The following PRH1 variants were observed in gnomAD, a reference collection of about 807,000 sequenced individuals.
PRH1 encodes proline rich protein HaeIII subfamily 1, also known as salivary acidic proline-rich phosphoprotein 1/2.
Under a neutral mutation model 7.9 loss-of-function variants are expected in PRH1, and 7 were observed. The observed-to-expected ratio is 0.89, with a 90% CI of 0.50 to 1.67. The LOEUF (loss-of-function observed/expected upper bound fraction) is 1.67. Ranked by LOEUF, PRH1 falls within the 40% of genes most tolerant of loss-of-function variation. PRH1 has a pLI of 0.00. For synonymous variants in PRH1, 45 were observed against 80.8 expected (o/e 0.56, Z 2.38); for missense variants, 109 against 223.6 (o/e 0.49, Z 3.27).
chr12:11,091,115 C>CACACATAT (rs751016037), intron 1 of PRH1, among the ~76,000 whole-genome samples: 311 of 25,122 alleles, frequency 0.012, 54 homozygotes, highest in Middle Eastern at 0.088. Flanking sequence ...CACACACACA[C>CACACATAT]ATATATATAT....
intron 1 of PRH1, among the ~76,000 whole-genome samples, chr12:11,094,183 C>A (rs1268406720): frequency 2.7e-5 from 3 of 109,262 alleles, no homozygotes; most frequent in African/African-American, 9.2e-5. Context: ...GGGCCTGTAG[C>A]CCCAGCTACT....
At chr12:11,150,526 T>C (rs1343792427) in intron 1 of PRH1, among the ~76,000 whole-genome samples, 3 of 152,136 alleles carry the variant, frequency 2.0e-5, no homozygotes, top group Non-Finnish European at 4.4e-5. Flanking sequence ...TGTAGGGACA[T>C]GGATGAAATT....
chr12:11,079,824 A>T (rs1448612534), intron 1 of PRH1, among the ~76,000 whole-genome samples: 5 of 116,560 alleles, frequency 4.3e-5, no homozygotes, highest in African/African-American at 1.4e-4. Flanking sequence ...AAAATCGCTT[A>T]GAGTTATACA....
chr12:11,071,113 C>G (rs1944046708), intron 1 of PRH1, among the ~76,000 whole-genome samples: 1 of 34,240 alleles, frequency 2.9e-5, no homozygotes, highest in Non-Finnish European at 1.0e-4. Context: ...ATTTTTCTAA[C>G]TATGTGCTCC....
intron 2 of PRH1, among the ~76,000 whole-genome samples, chr12:10,961,692 C>A (rs1057248622): frequency 2.0e-5 from 3 of 152,178 alleles, no homozygotes; most frequent in African/African-American, 7.2e-5. Flanking sequence ...CAGCCACCAA[C>A]GGACTGGATG....
At chr12:10,973,261 T>G (rs4763231) in intron 2 of PRH1, 34,935 of 155,202 alleles carry the variant, frequency 0.23, 3,974 homozygotes, top group Non-Finnish European at 0.23. Context: ...GATATTTGAA[T>G]ATATTTTTTT....
chr12:11,157,598 G>T (rs1947291813), intron 1 of PRH1, among the ~76,000 whole-genome samples: 1 of 152,092 alleles, frequency 6.6e-6, no homozygotes, highest in South Asian at 2.1e-4. Context: ...AGCCTCTGAT[G>T]AGTTTAAGAT....
intron 1 of PRH1, among the ~76,000 whole-genome samples, chr12:11,045,487 T>C (rs980810685): frequency 6.6e-6 from 1 of 152,176 alleles, no homozygotes; most frequent in Non-Finnish European, 1.5e-5. Context: ...TACCCCATTC[T>C]TCATTATGTG....
intron 2 of PRH1, among the ~76,000 whole-genome samples, chr12:10,941,997 G>A (rs1950408850): frequency 6.6e-6 from 1 of 152,034 alleles, no homozygotes; most frequent in Admixed American, 6.6e-5. Context: ...CTCTCTTCTG[G>A]ATCTAGTCAC....
At chr12:11,086,200 C>A (rs1944689004) in intron 1 of PRH1, among the ~76,000 whole-genome samples, 1 of 144,676 alleles carries the variant, frequency 6.9e-6, no homozygotes, top group African/African-American at 2.5e-5. Context: ...CTTTTCAGCG[C>A]ATTTTCAATG....
At chr12:11,168,291 A>AAG (rs1947675305) in intron 1 of PRH1, among the ~76,000 whole-genome samples, 2 of 15,392 alleles carry the variant, frequency 1.3e-4, no homozygotes, top group African/African-American at 4.2e-4. Flanking sequence ...AAAGAAAGAA[A>AAG]GAAAGAAAGA....
chr12:10,892,444 G>A (rs970074394), intron 2 of PRH1, among the ~76,000 whole-genome samples: 2 of 152,092 alleles, frequency 1.3e-5, no homozygotes, highest in African/African-American at 4.8e-5. Flanking sequence ...GAGGTAAGGG[G>A]GACAGGAGAA....
intron 1 of PRH1, among the ~76,000 whole-genome samples, chr12:11,025,950 GT>G (rs1269532651): frequency 1.3e-5 from 2 of 152,290 alleles, no homozygotes; most frequent in Admixed American, 1.3e-4. Flanking sequence ...TTTTAAAAGT[GT>G]TTTTGACTTT....
chr12:11,094,228 G>A (rs1489302399), intron 1 of PRH1, among the ~76,000 whole-genome samples: 4 of 97,996 alleles, frequency 4.1e-5, no homozygotes, highest in African/African-American at 6.8e-5. Context: ...CGTGAACCCC[G>A]GAGGCGGAGG....
chr12:11,003,441 C>A (rs1484425596), intron 1 of PRH1, among the ~76,000 whole-genome samples: 1 of 152,028 alleles, frequency 6.6e-6, no homozygotes, highest in Non-Finnish European at 1.5e-5. Flanking sequence ...AGACATTCCC[C>A]ATATATGCTT....
chr12:11,091,920 T>G, intron 1 of PRH1: 1 of 1,232,620 alleles, frequency 8.1e-7, no homozygotes, highest in Non-Finnish European at 1.2e-6. Flanking sequence ...AAATAAAATA[T>G]GCTGAGGGTA....
At chr12:11,105,695 C>G (rs1423403138) in intron 1 of PRH1, among the ~76,000 whole-genome samples, 2 of 152,162 alleles carry the variant, frequency 1.3e-5, no homozygotes, top group African/African-American at 4.8e-5. Flanking sequence ...TCAGCAACTT[C>G]AGTTGTTAGA....
intron 1 of PRH1, among the ~76,000 whole-genome samples, chr12:11,138,589 T>C (rs1946620759): frequency 6.6e-6 from 1 of 152,224 alleles, no homozygotes. Flanking sequence ...TTCATGACTT[T>C]CTGACACTGA....
chr12:10,915,238 A>G (rs1321384480), intron 2 of PRH1, among the ~76,000 whole-genome samples: 2 of 152,256 alleles, frequency 1.3e-5, no homozygotes, highest in East Asian at 3.8e-4. Context: ...ATATTTACAG[A>G]AAAAGGTTCA....
Sources: gnomAD v4.1 joint callset for allele counts (sites outside exome capture counted in the v4.1 genomes callset) on GRCh38, gnomAD v4.1.1 for gene constraint, MANE v1.5 for transcripts, NCBI Gene and HGNC (gene_info 2026-07-23, HGNC 2026-07-21) for gene names.